The following GALNT13 variants were observed in gnomAD, a reference collection of about 807,000 sequenced individuals.
The protein encoded by GALNT13 is UDP-GalNAc:polypeptide N-acetylgalactosaminyltransferase 13.
GALNT13 carries 28 observed loss-of-function variants against 64.2 expected under a neutral mutation model. The ratio of observed to expected loss-of-function variants is 0.44; its 90% CI spans 0.32 to 0.60. The LOEUF is 0.60. Among genes scored for constraint, GALNT13 ranks in the 20% least tolerant of loss-of-function variants. The pLI is 0.05. For missense variants in GALNT13, 577 were observed against 669.8 expected, an observed-to-expected ratio of 0.86 and a Z score of 1.53; for synonymous variants, 214 against 224.6, an observed-to-expected ratio of 0.95 and a Z score of 0.42.
At chr2:153,619,292 G>A in the GALNT13 span, among the ~76,000 whole-genome samples, 2 of 151,884 alleles carry the variant, frequency 1.3e-5, no homozygotes, top group Non-Finnish European at 2.9e-5. Context: ...AAACAAACAA[G>A]CAAAAAGACT....
At chr2:153,275,660 C>A in the GALNT13 span, among the ~76,000 whole-genome samples, 1 of 152,118 alleles carries the variant, frequency 6.6e-6, no homozygotes, top group Admixed American at 6.5e-5. Flanking sequence ...TACTGCTACT[C>A]GTTCTTTATA....
chr2:154,059,329 G>A (rs936218680), intron 3 of GALNT13, among the ~76,000 whole-genome samples: 1 of 152,138 alleles, frequency 6.6e-6, no homozygotes, highest in African/African-American at 2.4e-5. Flanking sequence ...GTTGCTTTTA[G>A]CTATTTTAAT....
At chr2:153,598,630 C>T in the GALNT13 span, among the ~76,000 whole-genome samples, 1 of 152,008 alleles carries the variant, frequency 6.6e-6, no homozygotes, top group Non-Finnish European at 1.5e-5. Flanking sequence ...GCAACAGTGC[C>T]TGGCACATTG....
chr2:154,024,605 T>C (rs1697801922), intron 3 of GALNT13, among the ~76,000 whole-genome samples: 1 of 152,130 alleles, frequency 6.6e-6, no homozygotes, highest in African/African-American at 2.4e-5. Context: ...AATTTTTTTT[T>C]CAAAGCTTTT....
At chr2:153,436,640 T>C in the GALNT13 span, among the ~76,000 whole-genome samples, 1 of 152,224 alleles carries the variant, frequency 6.6e-6, no homozygotes, top group Non-Finnish European at 1.5e-5. Flanking sequence ...TATTCTCTGA[T>C]GGTAGTTTGT....
intron 3 of GALNT13, among the ~76,000 whole-genome samples, chr2:154,009,420 A>T (rs1046886623): frequency 6.6e-5 from 10 of 151,828 alleles, no homozygotes; most frequent in East Asian, 1.9e-4. Flanking sequence ...AATACTTTTT[A>T]AAAAAAATTC....
At chr2:153,711,185 G>C in the GALNT13 span, among the ~76,000 whole-genome samples, 17,998 of 151,962 alleles carry the variant, frequency 0.12, 1,441 homozygotes, top group Middle Eastern at 0.22. Flanking sequence ...AAATTACTAA[G>C]CTCAGGATGC....
chr2:153,434,382 G>C, the GALNT13 span, among the ~76,000 whole-genome samples: 2 of 152,180 alleles, frequency 1.3e-5, no homozygotes, highest in South Asian at 2.1e-4. Context: ...CTTTCTAGTT[G>C]TAGATCCCTG....
intron 3 of GALNT13, among the ~76,000 whole-genome samples, chr2:154,045,701 T>A (rs1014637389): frequency 2.0e-5 from 3 of 152,186 alleles, no homozygotes; most frequent in Admixed American, 2.0e-4. Context: ...AATACTGCCT[T>A]AGTTCAATGT....
chr2:154,287,035 C>A (rs1692306412), intron 8 of GALNT13: 23 of 640,966 alleles, frequency 3.6e-5, no homozygotes, highest in South Asian at 3.5e-4. Flanking sequence ...GGTCTCCAGG[C>A]AGGTGAGTGA....
At position 153,884,819 on chromosome 2, in the gene GALNT13, G is replaced by GTA. The variant is rs754326579; in HGVS notation, c.-177+12524_-177+12525dup. 2.7e-3 allele frequency among the ~76,000 whole-genome samples: 292 copies of GTA among 109,798 alleles called. 3 individuals carry two copies. The highest frequency in any genetic ancestry group is 9.5e-3 in the African/African-American group (219 of 23,164). 72.0% of individuals were successfully genotyped at this position (109,798 alleles called of 152,430 possible). ...TATATATATATATGTGTGTGTGTGT[G>GTA]TATATATATGTGTGTGTGTGTGTGT... On this transcript the variant is annotated intron_variant, in intron 1 of 12. Coordinates refer to ENST00000392825, the MANE Select transcript of GALNT13 (RefSeq NM_052917.4).
intron 8 of GALNT13, among the ~76,000 whole-genome samples, chr2:154,263,601 C>T (rs767656092): frequency 6.6e-6 from 1 of 152,120 alleles, no homozygotes; most frequent in Non-Finnish European, 1.5e-5. Flanking sequence ...TTCTAAGGCT[C>T]CCCTGCTCAA....
chr2:154,284,817 A>G (rs1201439582), intron 8 of GALNT13, among the ~76,000 whole-genome samples: 1 of 152,192 alleles, frequency 6.6e-6, no homozygotes, highest in Non-Finnish European at 1.5e-5. Context: ...CCAACAGTGT[A>G]CAAGGGTTCC....
At chr2:153,948,614 A>G (rs574639380) in intron 3 of GALNT13, among the ~76,000 whole-genome samples, 1 of 152,166 alleles carries the variant, frequency 6.6e-6, no homozygotes, top group Non-Finnish European at 1.5e-5. Context: ...CTAAATGCCC[A>G]TCAATCATAG....
At chr2:154,312,085 G>A (rs574120407) in intron 9 of GALNT13, among the ~76,000 whole-genome samples, 2 of 152,248 alleles carry the variant, frequency 1.3e-5, no homozygotes, top group South Asian at 2.1e-4. Context: ...AGGATTAAGA[G>A]ATTAAAGCAA....
chr2:153,961,405 C>G (rs557391890), intron 3 of GALNT13, among the ~76,000 whole-genome samples: 1 of 152,188 alleles, frequency 6.6e-6, no homozygotes, highest in Admixed American at 6.5e-5. Flanking sequence ...TATGCAAATA[C>G]TTAATAAGTT....
At chr2:153,447,002 C>G in the GALNT13 span, 3 of 152,110 alleles carry the variant, frequency 2.0e-5, no homozygotes, top group South Asian at 6.2e-4. Flanking sequence ...TATACATAGA[C>G]ACACATATTC....
chr2:153,942,468 T>C (rs1691404534), intron 2 of GALNT13, among the ~76,000 whole-genome samples: 1 of 152,134 alleles, frequency 6.6e-6, no homozygotes, highest in Non-Finnish European at 1.5e-5. Context: ...TTGAATTGTT[T>C]CATATCTCAA....
the GALNT13 span, among the ~76,000 whole-genome samples, chr2:153,679,044 A>G: frequency 1.3e-5 from 2 of 151,896 alleles, no homozygotes; most frequent in Non-Finnish European, 2.9e-5. Context: ...CCTCCTACCT[A>G]TGTTATCATG....
Sources: gnomAD v4.1 joint callset for allele counts (sites outside exome capture counted in the v4.1 genomes callset) on GRCh38, gnomAD v4.1.1 for gene constraint, MANE v1.5 for transcripts, NCBI Gene and HGNC (gene_info 2026-07-23, HGNC 2026-07-21) for gene names.